The following ZBTB21 variants were observed in gnomAD, a reference collection of about 807,000 sequenced individuals.
ZBTB21 encodes zinc finger and BTB domain-containing protein 21.
In ZBTB21, 10 loss-of-function variants were observed where a neutral mutation model predicts 39.8. The observed-to-expected ratio is 0.25, with a 90% CI of 0.16 to 0.43. ZBTB21 has a LOEUF of 0.43. ZBTB21 is among the 20% of genes least tolerant of loss of function. The pLI, the probability that ZBTB21 is intolerant of heterozygous loss-of-function variation, is 1.00. For synonymous variants in ZBTB21, 551 were observed against 498.8 expected, an observed-to-expected ratio of 1.10 and a Z score of -1.40; for missense variants, 1,221 against 1,296.3, an observed-to-expected ratio of 0.94 and a Z score of 0.89.
chr21:41,990,878 T>C lies in ZBTB21; in HGVS notation c.*17A>G, dbSNP rs749104022. On this transcript the variant is annotated 3_prime_UTR_variant, in exon 3 of 3. Transcript: ENST00000310826. ...AAATCTGGGGACTGCCTCCCATAGGTAAAAAGTGTTGGTCTTTCAATTGTG... is the reference window on the plus strand; with the variant it reads ...AAATCTGGGGACTGCCTCCCATAGGCAAAAAGTGTTGGTCTTTCAATTGTG... The C allele has an allele frequency of 2.1e-6, 3 of 1,437,350 alleles. No individual in the cohort carries two copies. Among genetic ancestry groups the C allele is most frequent in the Non-Finnish European group, 9.1e-7 (1 of 1,094,242 alleles). The allele number at this position is 1,437,350 out of a possible 1,614,324, so 89.0% of individuals were successfully genotyped here. A position where few individuals can be genotyped will look rare whatever the true frequency, so the allele number is the denominator to read the frequency against.
chr21:41,993,581 T>A lies in ZBTB21; in HGVS notation c.515A>T (p.His172Leu). The change falls in exon 3 of 3, where the codon CAT (histidine) becomes CTT (leucine). Residue 172 changes from histidine to leucine, a missense_variant. By Grantham distance (99) the His-to-Leu change is moderately conservative. This residue lies in a region of ZBTB21 where 500 missense variants were observed against 465.6 expected (regional missense o/e 1.07). Coordinates refer to ENST00000310826, the MANE Select transcript of ZBTB21 (RefSeq NM_001098402.2). ...AATGCTAGGAGAGGGCCGGGAAGTATGGCTTACATCGGGTTGATTTTGACT... is the reference window on the plus strand; with the variant it reads ...AATGCTAGGAGAGGGCCGGGAAGTAAGGCTTACATCGGGTTGATTTTGACT... Reference protein sequence around the residue: ...TVSQNQPDVSHTSRPSPSIAV... With the variant: ...TVSQNQPDVSLTSRPSPSIAV... 6.2e-7 allele frequency: 1 copy of A among 1,614,272 alleles called. No individual in the cohort carries two copies. The highest frequency in any genetic ancestry group is 8.5e-7 in the Non-Finnish European group (1 of 1,180,056).
intron 1 of ZBTB21, among the ~76,000 whole-genome samples, chr21:42,009,782 C>T (rs996954020): frequency 6.6e-6 from 1 of 151,986 alleles, no homozygotes; most frequent in African/African-American, 2.4e-5. Flanking sequence ...TCCCCAAGGC[C>T]GCCGGCCAGC....
At chr21:41,999,575 A>C (rs1024760081) in intron 2 of ZBTB21, among the ~76,000 whole-genome samples, 1 of 152,242 alleles carries the variant, frequency 6.6e-6, no homozygotes, top group East Asian at 1.9e-4. Context: ...GTGGGAATTA[A>C]ATAAGATAAT....
chr21:41,992,596 A>G lies in ZBTB21; in HGVS notation c.1500T>C (p.Asn500=), dbSNP rs61751943. 0.1 allele frequency: 167,073 copies of G among 1,614,130 alleles called. 10,493 individuals carry two copies. Among genetic ancestry groups the G allele is most frequent in the Non-Finnish European group, 0.12 (144,751 of 1,180,008 alleles). Reference sequence around the variant, plus strand: ...CTTCTGACACAGGAGACCCGTGCTCATTCACCTTTAACTTCTTAAACGGCA... The same window carrying G: ...CTTCTGACACAGGAGACCCGTGCTCGTTCACCTTTAACTTCTTAAACGGCA... The part of the protein sequence containing the change: ...RRLPFKKLKV[N]EHGSPVSEDN... The change falls in exon 3 of 3, where the codon AAT becomes AAC. Residue 500 remains asparagine (N), a synonymous_variant. Transcript: ENST00000310826. The surrounding 1 kb of genome is among the most constrained non-coding windows in gnomAD (Gnocchi z 4.1).
At chr21:42,001,401 T>C (rs2065816038) in intron 2 of ZBTB21, among the ~76,000 whole-genome samples, 1 of 152,240 alleles carries the variant, frequency 6.6e-6, no homozygotes, top group African/African-American at 2.4e-5. Flanking sequence ...CTTCTAGACA[T>C]GGAAGATATC....
At chr21:42,000,162 C>T (rs2065800438) in intron 2 of ZBTB21, among the ~76,000 whole-genome samples, 1 of 152,090 alleles carries the variant, frequency 6.6e-6, no homozygotes, top group South Asian at 2.1e-4. Context: ...AAGTATTCTG[C>T]CAAAATAACT....
chr21:41,993,773 C>T lies in ZBTB21; in HGVS notation c.323G>A (p.Ser108Asn). 2 of 1,614,226 alleles carry T rather than the reference C, an allele frequency of 1.2e-6. No homozygotes were observed. Among genetic ancestry groups the T allele is most frequent in the Non-Finnish European group, 1.7e-6 (2 of 1,180,040 alleles). ...GTTAGTCAGAAAGGAAATCCCAAGACTATAGCCAAGTTCTTGCACAGCAGC... is the reference window on the plus strand; with the variant it reads ...GTTAGTCAGAAAGGAAATCCCAAGATTATAGCCAAGTTCTTGCACAGCAGC... ...SLAAVQELGY[S>N]LGISFLTNIV... The change falls in exon 3 of 3, where the codon AGT (serine) becomes AAT (asparagine). Residue 108 changes from serine to asparagine, a missense_variant. Around this residue, in one of 4 missense-constraint regions of ZBTB21, gnomAD observed 108 missense variants for 155.0 expected, o/e 0.70. Coordinates refer to ENST00000310826, the MANE Select transcript of ZBTB21 (RefSeq NM_001098402.2).
At chr21:42,008,498 G>A (rs1978473503) in intron 1 of ZBTB21, among the ~76,000 whole-genome samples, 3 of 132,268 alleles carry the variant, frequency 2.3e-5, no homozygotes, top group South Asian at 2.3e-4. Flanking sequence ...CCAAGATCAC[G>A]CCATTGTACT....
At chr21:41,995,188 G>T (rs914034468) in intron 2 of ZBTB21, among the ~76,000 whole-genome samples, 2 of 152,218 alleles carry the variant, frequency 1.3e-5, no homozygotes, top group Admixed American at 6.5e-5. Flanking sequence ...TTGGAACTGG[G>T]TAACAGGCAG....
intron 1 of ZBTB21, among the ~76,000 whole-genome samples, chr21:42,008,342 C>CAAAA (rs767411984): frequency 0.013 from 700 of 54,280 alleles, 93 homozygotes; most frequent in African/African-American, 0.036. Context: ...CCCGTCTCTA[C>CAAAA]AAAAAAAAAA....
In ZBTB21 at chr21:41,992,436, T is replaced by C. The variant is rs1569103726; in HGVS notation, c.1660A>G (p.Ile554Val). The part of the protein sequence containing the change: ...KKFKCKHCLK[I>V]FRSTAGLHRH... ...TGAAGACCTGCTGTTGATCTAAAGA[T>C]CTTAAGGCAATGTTTGCATTTAAAT... is the stretch of plus-strand genomic sequence containing the variant. Residue 554 changes from isoleucine to valine, a missense_variant, in exon 3 of 3, where the codon ATC (isoleucine) becomes GTC (valine). Coordinates refer to ENST00000310826, the MANE Select transcript of ZBTB21 (RefSeq NM_001098402.2). The surrounding 1 kb of genome is among the most constrained non-coding windows in gnomAD (Gnocchi z 4.1). 1 of 1,614,084 alleles carries C rather than the reference T, an allele frequency of 6.2e-7. No individual in the cohort carries two copies. The highest frequency in any genetic ancestry group is 8.5e-7 in the Non-Finnish European group (1 of 1,180,022).
intron 2 of ZBTB21, among the ~76,000 whole-genome samples, chr21:41,998,703 CCA>C (rs1445024061): frequency 6.6e-6 from 1 of 152,222 alleles, no homozygotes; most frequent in African/African-American, 2.4e-5. Flanking sequence ...CAGGAAGAGC[CCA>C]GAGTCTCCTA....
chr21:41,998,968 A>G (rs2065785479), intron 2 of ZBTB21, among the ~76,000 whole-genome samples: 1 of 152,194 alleles, frequency 6.6e-6, no homozygotes, highest in East Asian at 1.9e-4. Flanking sequence ...TGACTACTTG[A>G]TAATTTCCCT....
At chr21:42,009,637 C>G (rs2065932501) in intron 1 of ZBTB21, 1 of 152,214 alleles carries the variant, frequency 6.6e-6, no homozygotes, top group South Asian at 1.9e-4. Flanking sequence ...CAGGCGTCCG[C>G]GGGAGGGGCC....
At chr21:41,997,575 CAAA>C (rs10709533) in intron 2 of ZBTB21, among the ~76,000 whole-genome samples, 3 of 117,838 alleles carry the variant, frequency 2.5e-5, no homozygotes, top group African/African-American at 5.8e-5. Flanking sequence ...GACGTTGTCT[CAAA>C]AAAAAAAAAA....
intron 1 of ZBTB21, among the ~76,000 whole-genome samples, chr21:42,005,322 A>AC (rs1444586198): frequency 6.6e-6 from 1 of 152,236 alleles, no homozygotes; most frequent in Admixed American, 6.5e-5. Context: ...ATACAACCAA[A>AC]GCCAAACCAA....
chr21:42,003,931 G>A (rs578233090), intron 1 of ZBTB21, among the ~76,000 whole-genome samples: 2 of 151,794 alleles, frequency 1.3e-5, no homozygotes, highest in South Asian at 4.2e-4. Context: ...GATTCCAGAA[G>A]ATTATTTCAT....
In ZBTB21 at chr21:41,992,477, G is replaced by A. The variant is rs369867786; in HGVS notation, c.1619C>T (p.Thr540Met). The A allele has an allele frequency of 3.2e-5, 52 of 1,614,106 alleles. No homozygotes were observed. Among genetic ancestry groups the A allele is most frequent in the African/African-American group, 1.6e-4 (12 of 75,004 alleles). Residue 540 changes from threonine to methionine, a missense_variant, in exon 3 of 3, where the codon ACG (threonine) becomes ATG (methionine). Thr to Met is a moderately conservative substitution (Grantham distance 81). Around this residue, in one of 4 missense-constraint regions of ZBTB21, gnomAD observed 90 missense variants for 133.1 expected, o/e 0.68. Coordinates refer to ENST00000310826, the MANE Select transcript of ZBTB21 (RefSeq NM_001098402.2). The surrounding 1 kb of genome is among the most constrained non-coding windows in gnomAD (Gnocchi z 4.1). ...GCATTTAAATTTTTTGTTTGGTCTCGTCCCCTCCAACTCACCAAATTCGTC... is the reference window on the plus strand; with the variant it reads ...GCATTTAAATTTTTTGTTTGGTCTCATCCCCTCCAACTCACCAAATTCGTC... ...NKDEFGELEGTRPNKKFKCKH... is the reference protein window; with the variant it reads ...NKDEFGELEGMRPNKKFKCKH...
chr21:42,003,245 T>C (rs750026658), intron 1 of ZBTB21, among the ~76,000 whole-genome samples: 9 of 152,222 alleles, frequency 5.9e-5, no homozygotes, highest in Non-Finnish European at 1.2e-4. Context: ...CATGCACATC[T>C]TCCTTCCTTC....
Sources: allele counts gnomAD v4.1 joint callset (sites outside exome capture counted in the v4.1 genomes callset), GRCh38; gene constraint gnomAD v4.1.1; regional missense constraint gnomAD v4.1.1; non-coding constraint Gnocchi (gnomAD v3.1); transcripts MANE v1.5; gene names NCBI Gene and HGNC (gene_info 2026-07-23, HGNC 2026-07-21).